ASIC2: variants seen among roughly 807,000 people sequenced by gnomAD.
The protein encoded by ASIC2 is acid-sensing ion channel 2.
In ASIC2, 25 loss-of-function variants were observed where a neutral mutation model predicts 57.3. The ratio of observed to expected loss-of-function variants is 0.44; its 90% CI spans 0.32 to 0.61. The LOEUF is 0.61. Among genes scored for constraint, ASIC2 ranks in the 20% least tolerant of loss-of-function variants. The pLI is 0.06. For synonymous variants in ASIC2, 319 were observed against 307.5 expected (o/e 1.04, Z -0.39); for missense variants, 641 against 738.1 (o/e 0.87, Z 1.52).
intron 1 of ASIC2, among the ~76,000 whole-genome samples, chr17:33,609,304 ACAGAAT>A (rs1366066510): frequency 1.3e-5 from 2 of 152,162 alleles, no homozygotes; most frequent in Non-Finnish European, 2.9e-5. Context: ...GGGATAAACC[ACAGAAT>A]CCCTGCCTGC....
intron 1 of ASIC2, among the ~76,000 whole-genome samples, chr17:33,849,485 C>T (rs556268271): frequency 1.2e-4 from 18 of 152,274 alleles, no homozygotes; most frequent in Admixed American, 1.3e-4. Context: ...TCCAAGCCTA[C>T]GTTTCTCTGA....
At chr17:33,017,484 G>A in intron 8 of ASIC2, 121 bp downstream of exon 8, 2 of 780,848 alleles carry the variant, frequency 2.6e-6, no homozygotes, top group East Asian at 2.7e-5. Flanking sequence ...TGGTGGACAG[G>A]AGGGGAAGCA....
At chr17:33,173,862 G>T (rs1243847660) in intron 1 of ASIC2, among the ~76,000 whole-genome samples, 3 of 152,200 alleles carry the variant, frequency 2.0e-5, no homozygotes, top group African/African-American at 7.2e-5. Context: ...CAATCGAAGT[G>T]ATTCCCTTTC....
At chr17:33,776,712 C>T (rs1239310229) in intron 1 of ASIC2, among the ~76,000 whole-genome samples, 3 of 152,126 alleles carry the variant, frequency 2.0e-5, no homozygotes, top group African/African-American at 4.8e-5. Context: ...GGTCTGGACT[C>T]GGAGGCCTGA....
intron 1 of ASIC2, among the ~76,000 whole-genome samples, chr17:33,507,869 C>A (rs550704475): frequency 9.2e-5 from 14 of 152,222 alleles, no homozygotes; most frequent in Non-Finnish European, 1.5e-4. Flanking sequence ...CGTGCCACTG[C>A]ACTCCAGCCT....
chr17:33,723,911 G>A (rs1036293754), intron 1 of ASIC2, among the ~76,000 whole-genome samples: 4 of 152,144 alleles, frequency 2.6e-5, no homozygotes, highest in East Asian at 1.9e-4. Flanking sequence ...AATTTTCCTG[G>A]CAGAGGAGCT....
intron 1 of ASIC2, among the ~76,000 whole-genome samples, chr17:33,647,946 G>C (rs1212468451): frequency 6.6e-6 from 1 of 152,144 alleles, no homozygotes; most frequent in Admixed American, 6.5e-5. Flanking sequence ...CAGACACCAG[G>C]GAGGTATGAC....
intron 1 of ASIC2, among the ~76,000 whole-genome samples, chr17:33,408,358 T>C (rs1910539707): frequency 6.6e-6 from 1 of 152,128 alleles, no homozygotes; most frequent in South Asian, 2.1e-4. Flanking sequence ...TGCTGGGCTA[T>C]GGTTGTAGGT....
rs373061471 is a variant in ASIC2, at chr17:33,207,647, C to A, written c.708+83761G>T. 1.8e-3 allele frequency among the ~76,000 whole-genome samples: 273 copies of A among 152,308 alleles called. 1 individual carries two copies. The highest frequency in any genetic ancestry group is 6.3e-3 in the African/African-American group (263 of 41,574). ...CTGCCCATACCGCCTTGGACTTAACCATTTTAGTGCACACTGGCCCCGTTT... is the reference window on the plus strand; with the variant it reads ...CTGCCCATACCGCCTTGGACTTAACAATTTTAGTGCACACTGGCCCCGTTT... On this transcript the variant is annotated intron_variant, in intron 1 of 9. Coordinates refer to ENST00000225823, the MANE Select transcript of ASIC2 (RefSeq NM_183377.2).
At chr17:34,015,956 G>A (rs191735286) in intron 1 of ASIC2, among the ~76,000 whole-genome samples, 288 of 152,320 alleles carry the variant, frequency 1.9e-3, no homozygotes, top group African/African-American at 6.6e-3. Context: ...TAAGTATATA[G>A]AGCAGATGCT....
At chr17:33,495,009 A>G (rs1423392772) in intron 1 of ASIC2, among the ~76,000 whole-genome samples, 1 of 152,202 alleles carries the variant, frequency 6.6e-6, no homozygotes, top group Non-Finnish European at 1.5e-5. Flanking sequence ...GTGCATCAGA[A>G]CCACCTGCAA....
chr17:33,045,456 T>C (rs2091949879), intron 3 of ASIC2, among the ~76,000 whole-genome samples: 2 of 152,084 alleles, frequency 1.3e-5, no homozygotes, highest in Admixed American at 6.6e-5. Context: ...AGGAGAAGTG[T>C]TCCAGGGATG....
chr17:34,149,455 T>C (rs1904428522), intron 1 of ASIC2, among the ~76,000 whole-genome samples: 1 of 152,202 alleles, frequency 6.6e-6, no homozygotes, highest in Non-Finnish European at 1.5e-5. Context: ...GAATCCTGGC[T>C]ACCCATGATG....
intron 1 of ASIC2, among the ~76,000 whole-genome samples, chr17:33,331,890 C>G (rs972472705): frequency 6.6e-6 from 1 of 152,202 alleles, no homozygotes; most frequent in Admixed American, 6.5e-5. Context: ...GCGAATAGGA[C>G]AAAACTTTCT....
chr17:33,697,998 C>T (rs977197828), intron 1 of ASIC2, among the ~76,000 whole-genome samples: 20 of 152,118 alleles, frequency 1.3e-4, no homozygotes, highest in Admixed American at 7.2e-4. Flanking sequence ...TGATTAAGAC[C>T]GGTTGAGTAG....
intron 1 of ASIC2, among the ~76,000 whole-genome samples, chr17:34,126,381 A>T (rs1302032977): frequency 6.6e-6 from 1 of 152,182 alleles, no homozygotes; most frequent in Non-Finnish European, 1.5e-5. Flanking sequence ...GTGGTGGAGG[A>T]AAGTACGGAA....
At chr17:33,730,001 G>A (rs1909690090) in intron 1 of ASIC2, among the ~76,000 whole-genome samples, 1 of 152,172 alleles carries the variant, frequency 6.6e-6, no homozygotes, top group Non-Finnish European at 1.5e-5. Context: ...ACGCTAGCAA[G>A]ATGTCTGGGA....
chr17:34,054,572 C>A (rs1230088804), intron 1 of ASIC2, among the ~76,000 whole-genome samples: 1 of 152,216 alleles, frequency 6.6e-6, no homozygotes, highest in Non-Finnish European at 1.5e-5. Context: ...CCAATTCACA[C>A]ATACACATTT....
At position 33,579,058 on chromosome 17, in the gene ASIC2, G is replaced by T. The variant is rs138800771; in HGVS notation, c.556-466991C>A. On this transcript the variant is annotated intron_variant, in intron 1 of 9. Coordinates refer to the ASIC2 transcript ENST00000359872. ...CCCAGCACTTTGGGAGGTCGAAGCG[G>T]GTGGATCACTTGAGGTCAGGGATTC... 5.7e-3 allele frequency among the ~76,000 whole-genome samples: 874 copies of T among 152,178 alleles called. 9 individuals carry two copies. Among genetic ancestry groups the T allele is most frequent in the African/African-American group, 0.02 (835 of 41,492 alleles).
Sources: gnomAD v4.1 joint callset for allele counts (sites outside exome capture counted in the v4.1 genomes callset) on GRCh38, gnomAD v4.1.1 for gene constraint, MANE v1.5 for transcripts, NCBI Gene and HGNC (gene_info 2026-07-23, HGNC 2026-07-21) for gene names.